Variants in FGF13 observed in about 807,000 individuals in gnomAD.
FGF13 encodes the protein fibroblast growth factor homologous factor 2.
FGF13 carries 2 observed loss-of-function variants against 19.5 expected under a neutral mutation model. The ratio of observed to expected loss-of-function variants is 0.10; its 90% confidence interval spans 0.04 to 0.32. FGF13 has a LOEUF of 0.32. FGF13 is among the 10% of genes least tolerant of loss of function. The pLI, the probability that FGF13 is intolerant of heterozygous loss-of-function variation, is 1.00. For synonymous variants in FGF13, 72 were observed against 76.9 expected (o/e 0.94, Z 0.33); for missense variants, 113 against 192.7 (o/e 0.59, Z 2.45).
chrX:139,134,661 C>T (rs761494450), intron 1 of FGF13, among the ~76,000 whole-genome samples: 3 of 112,003 alleles, frequency 2.7e-5, no homozygotes, highest in African/African-American at 9.7e-5. Context: ...GCATAGTTCT[C>T]AACCCGTGTT....
At chrX:138,734,996 T>C (rs2090262228) in intron 1 of FGF13, among the ~76,000 whole-genome samples, 1 of 112,133 alleles carries the variant, frequency 8.9e-6, no homozygotes, top group Non-Finnish European at 1.9e-5. Context: ...GCCAGACTAC[T>C]GTAGGCTTTG....
rs939658013 is a variant in FGF13, at chrX:138,626,828, C to G, written c.*6022G>C. 8.9e-6 allele frequency: 1 copy of G among 111,799 alleles called. No homozygotes were observed. The highest frequency in any genetic ancestry group is 1.9e-5 in the Non-Finnish European group (1 of 53,224). 9.2% of individuals were successfully genotyped at this position (111,799 alleles called of 1,213,427 possible). A position where few individuals can be genotyped will look rare whatever the true frequency, so the allele number is the denominator to read the frequency against. On this transcript the variant is annotated 3_prime_UTR_variant, in exon 5 of 5. Coordinates refer to ENST00000315930, the MANE Select transcript of FGF13 (RefSeq NM_004114.5). ...AATATATTGGTGGTGTATTTTGAAA[C>G]GTTCTTAAGACCCATGAAAGTCAAA... is the stretch of plus-strand genomic sequence containing the variant.
At chrX:138,743,166 A>G (rs2124306441), upstream of FGF13, among the ~76,000 whole-genome samples, 1 of 112,227 alleles carries the variant, frequency 8.9e-6, no homozygotes, top group East Asian at 2.8e-4. Flanking sequence ...AGGTGAATGA[A>G]TAAGTAAACT....
intron 3 of FGF13, among the ~76,000 whole-genome samples, chrX:138,701,734 G>T (rs1431702166): frequency 8.9e-6 from 1 of 112,100 alleles, no homozygotes; most frequent in Non-Finnish European, 1.9e-5. Flanking sequence ...TGCAAAACAG[G>T]GTTATCATAT....
chrX:138,693,913 A>C (rs1489929008), intron 3 of FGF13, among the ~76,000 whole-genome samples: 1 of 111,812 alleles, frequency 8.9e-6, no homozygotes, highest in Non-Finnish European at 1.9e-5. Context: ...CTCTCCATTT[A>C]ATTCTATTAG....
At chrX:138,895,232 T>C (rs979222621) in intron 1 of FGF13, among the ~76,000 whole-genome samples, 1 of 112,169 alleles carries the variant, frequency 8.9e-6, no homozygotes, top group African/African-American at 3.2e-5. Context: ...ATGGTGTAAT[T>C]ATTACACCAA....
intron 1 of FGF13, among the ~76,000 whole-genome samples, chrX:139,056,406 C>A (rs1457068450): frequency 8.9e-6 from 1 of 112,161 alleles, no homozygotes; most frequent in Admixed American, 9.4e-5. Flanking sequence ...GGGCAGTCAT[C>A]ACAAAATAAG....
chrX:139,189,146 T>C (rs1016970388), intron 1 of FGF13, among the ~76,000 whole-genome samples: 4 of 110,716 alleles, frequency 3.6e-5, no homozygotes, highest in African/African-American at 1.3e-4. Flanking sequence ...AAAAGTCCTA[T>C]TTACTCTACT....
intron 1 of FGF13, among the ~76,000 whole-genome samples, chrX:139,005,193 G>GCCCCCCCCC (rs34587672): frequency 8.1e-5 from 2 of 24,648 alleles, no homozygotes; most frequent in Non-Finnish European, 1.1e-4. Flanking sequence ...TTGTGTCACT[G>GCCCCCCCCC]CCCCCCCCCC....
chrX:138,725,787 C>G (rs187787769), intron 1 of FGF13, among the ~76,000 whole-genome samples: 2 of 111,115 alleles, frequency 1.8e-5, no homozygotes, highest in African/African-American at 3.3e-5. Flanking sequence ...TCCTCCCCCC[C>G]ACAACCCTCC....
intron 3 of FGF13, among the ~76,000 whole-genome samples, chrX:138,672,398 A>G (rs1190497773): frequency 1.8e-5 from 2 of 111,398 alleles, no homozygotes; most frequent in East Asian, 5.7e-4. Context: ...TTAGTTCTGG[A>G]GTGCATATAT....
chrX:138,874,964 G>A (rs997636911), intron 1 of FGF13, among the ~76,000 whole-genome samples: 2 of 111,236 alleles, frequency 1.8e-5, no homozygotes, highest in African/African-American at 6.5e-5. Flanking sequence ...GCTTGTGACT[G>A]GGCGAGGTGG....
At chrX:139,005,192 TGCC>T (rs2092095528) in intron 1 of FGF13, among the ~76,000 whole-genome samples, 1 of 11,744 alleles carries the variant, frequency 8.5e-5, no homozygotes, top group Admixed American at 1.6e-3. Context: ...CTTGTGTCAC[TGCC>T]CCCCCCCCCC....
rs1224982202 is a variant in FGF13, at chrX:138,625,482, ATAAT to A, written c.*7364_*7367del. 1 of 94,963 alleles carries A rather than the reference ATAAT, an allele frequency of 1.1e-5. No individual in the cohort carries two copies. Among genetic ancestry groups the A allele is most frequent in the Non-Finnish European group, 2.0e-5 (1 of 49,625 alleles). The allele number at this position is 94,963 out of a possible 1,213,427, so 7.8% of individuals were successfully genotyped here. A position where few individuals can be genotyped will look rare whatever the true frequency, so the allele number is the denominator to read the frequency against. On this transcript the variant is annotated 3_prime_UTR_variant, in exon 5 of 5. Transcript: ENST00000315930. ...ATTATATATATATACATATATATAT[ATAAT>A]ATATATATATACATATATATATATA...
At chrX:138,814,833 T>C (rs1403811288) in intron 3 of FGF13, among the ~76,000 whole-genome samples, 1 of 111,098 alleles carries the variant, frequency 9.0e-6, no homozygotes, top group Non-Finnish European at 1.9e-5. Flanking sequence ...AGTAATTCCA[T>C]TTCTGGATAC....
chrX:139,048,027 A>AT (rs34162683), intron 1 of FGF13, among the ~76,000 whole-genome samples: 2 of 110,350 alleles, frequency 1.8e-5, no homozygotes, highest in Non-Finnish European at 3.8e-5. Context: ...ATCTGTAGAG[A>AT]TTTTTTTTCT....
chrX:138,959,849 CT>C (rs1478388205), intron 1 of FGF13, among the ~76,000 whole-genome samples: 2 of 110,996 alleles, frequency 1.8e-5, no homozygotes, highest in East Asian at 2.8e-4. Context: ...GCAACCCCTG[CT>C]TTTTTTTGTT....
chrX:138,831,742 C>T (rs2091075365), intron 3 of FGF13, among the ~76,000 whole-genome samples: 1 of 109,302 alleles, frequency 9.1e-6, no homozygotes, highest in African/African-American at 3.3e-5. Context: ...AAATTTGTGT[C>T]ATGAGGGTTT....
At chrX:138,798,386 C>A (rs551476261) in intron 3 of FGF13, among the ~76,000 whole-genome samples, 6 of 112,031 alleles carry the variant, frequency 5.4e-5, no homozygotes, top group Middle Eastern at 4.7e-3. Flanking sequence ...ATATGTTGAA[C>A]CTGCCTCGCA....
Sources: gnomAD v4.1 joint callset for allele counts (sites outside exome capture counted in the v4.1 genomes callset) on GRCh38, gnomAD v4.1.1 for gene constraint, MANE v1.5 for transcripts, NCBI Gene and HGNC (gene_info 2026-07-23, HGNC 2026-07-21) for gene names.